The following TLK2 variants were observed in gnomAD, a reference collection of about 807,000 sequenced individuals.
TLK2 encodes tousled like kinase 2, also known as serine/threonine-protein kinase tousled-like 2.
TLK2 carries 6 observed loss-of-function variants against 117.3 expected under a neutral mutation model. The ratio of observed to expected loss-of-function variants is 0.05; its 90% CI spans 0.03 to 0.10. TLK2 has a LOEUF of 0.10. TLK2 is among the 10% of genes least tolerant of loss of function. The probability of loss-of-function intolerance (pLI) is 1.00; values close to 1 mark genes in which losing one functional copy is unlikely to be tolerated. For synonymous variants in TLK2, 257 were observed against 316.7 expected (o/e 0.81, Z 2.00); for missense variants, 299 against 901.2 (o/e 0.33, Z 8.56).
rs568811406 is a variant in TLK2 at position 62,592,250 on chromosome 17, C to T, written c.1461-4335C>T. Among the ~76,000 whole-genome samples the T allele has an allele frequency of 4.6e-5, 7 of 152,266 alleles. No individual in the cohort carries two copies. The East Asian group carries it at 5.8e-4, about 13-fold the overall frequency. Reference sequence around the variant, plus strand: ...CTGGGATTATAGGCACGAGCCACTGCGCCCGGCCAGAACTACATTCTTAAA... The same window carrying T: ...CTGGGATTATAGGCACGAGCCACTGTGCCCGGCCAGAACTACATTCTTAAA... On this transcript the variant is annotated intron_variant, in intron 16 of 21. Coordinates refer to ENST00000346027, the MANE Select transcript of TLK2 (RefSeq NM_006852.6).
At chr17:62,475,001 G>A (rs556744786), upstream of TLK2, among the ~76,000 whole-genome samples, 5 of 152,248 alleles carry the variant, frequency 3.3e-5, no homozygotes, top group African/African-American at 1.2e-4. Flanking sequence ...AGCAGAGATT[G>A]TGCCATTGCA....
At chr17:62,475,955 C>G (rs1177389760), upstream of TLK2, among the ~76,000 whole-genome samples, 2 of 151,810 alleles carry the variant, frequency 1.3e-5, no homozygotes, top group Non-Finnish European at 2.9e-5. Flanking sequence ...CCACCGCTCC[C>G]AGCCTTAAAT....
At chr17:62,610,543 G>A (rs1264856439) in intron 21 of TLK2, among the ~76,000 whole-genome samples, 1 of 152,148 alleles carries the variant, frequency 6.6e-6, no homozygotes, top group East Asian at 1.9e-4. Flanking sequence ...TTTTTTTGAT[G>A]GCATGGTTAG....
chr17:62,562,997 A>G (rs538177850), intron 10 of TLK2, among the ~76,000 whole-genome samples: 6 of 152,342 alleles, frequency 3.9e-5, no homozygotes, highest in African/African-American at 1.2e-4. Context: ...AAGTACTTGT[A>G]TGAGAATATT....
intron 16 of TLK2, among the ~76,000 whole-genome samples, chr17:62,595,279 C>T (rs2082387643): frequency 6.8e-6 from 1 of 146,416 alleles, no homozygotes; most frequent in Non-Finnish European, 1.5e-5. Context: ...CCGTGCCTGG[C>T]CCCCTTTTTT....
At chr17:62,579,663 T>A (rs771335845) in intron 14 of TLK2, among the ~76,000 whole-genome samples, 4 of 152,186 alleles carry the variant, frequency 2.6e-5, no homozygotes, top group Non-Finnish European at 5.9e-5. Context: ...ACATAGAACA[T>A]GTGACTCACT....
At chr17:62,612,131 G>C in intron 21 of TLK2, 1 of 327,072 alleles carries the variant, frequency 3.1e-6, no homozygotes, top group East Asian at 5.4e-5. Context: ...TAGAGGTCAT[G>C]CTTCCTTTTT....
At chr17:62,594,648 T>C (rs2147068796) in intron 16 of TLK2, among the ~76,000 whole-genome samples, 1 of 152,274 alleles carries the variant, frequency 6.6e-6, no homozygotes, top group South Asian at 2.1e-4. Flanking sequence ...TTATATACAT[T>C]TAAGAAAGTT....
intron 1 of TLK2, among the ~76,000 whole-genome samples, chr17:62,472,115 C>A (rs1263434973): frequency 2.0e-5 from 3 of 151,038 alleles, no homozygotes; most frequent in African/African-American, 7.3e-5. Flanking sequence ...ACCGTGTTAG[C>A]CAGGATGGTC....
chr17:62,472,853 T>C lies in TLK2; in HGVS notation c.-205+1775T>C, dbSNP rs187891899. On this transcript the variant is annotated intron_variant, in intron 1 of 4. Coordinates refer to the TLK2 transcript ENST00000579450. ...CTCCCCTGGTTATTATCAGGACCAA[T>C]TGATTTTGCCTGATCTGAGAGAAAA... 1.6e-3 allele frequency among the ~76,000 whole-genome samples: 238 copies of C among 152,054 alleles called. 1 individual carries two copies. The highest frequency in any genetic ancestry group is 3.5e-3 in the Middle Eastern group (1 of 288).
chr17:62,520,567 C>G (rs767333789), intron 2 of TLK2, among the ~76,000 whole-genome samples: 62 of 151,500 alleles, frequency 4.1e-4, no homozygotes, highest in Non-Finnish European at 6.0e-4. Flanking sequence ...ATCCCAGCTA[C>G]TCGAGAGGCT....
chr17:62,508,541 G>T, intron 2 of TLK2: 1 of 985,300 alleles, frequency 1.0e-6, no homozygotes, highest in Non-Finnish European at 1.2e-6. Flanking sequence ...GAGTACATCG[G>T]ATATAACAAA....
intron 7 of TLK2, among the ~76,000 whole-genome samples, chr17:62,544,147 G>A (rs1280720467): frequency 6.6e-6 from 1 of 152,080 alleles, no homozygotes; most frequent in Non-Finnish European, 1.5e-5. Context: ...TACAGCAAGA[G>A]GTTTATTTAT....
At chr17:62,512,354 C>T (rs1294743214) in intron 2 of TLK2, among the ~76,000 whole-genome samples, 1 of 151,180 alleles carries the variant, frequency 6.6e-6, no homozygotes, top group East Asian at 1.9e-4. Context: ...TCCCGAGTAG[C>T]TGGGATTACA....
At chr17:62,596,231 A>G (rs1243419218) in intron 16 of TLK2, among the ~76,000 whole-genome samples, 1 of 152,036 alleles carries the variant, frequency 6.6e-6, no homozygotes, top group Non-Finnish European at 1.5e-5. Flanking sequence ...GCGCACCACT[A>G]CGCCCAGCTA....
At chr17:62,572,536 G>T (rs1203697234) in intron 11 of TLK2, among the ~76,000 whole-genome samples, 1 of 152,148 alleles carries the variant, frequency 6.6e-6, no homozygotes, top group African/African-American at 2.4e-5. Flanking sequence ...ATTAACTGCA[G>T]TTGTAAAATA....
intron 3 of TLK2, 94 bp from the exon 4 acceptor site, chr17:62,522,110 G>A: frequency 7.6e-7 from 1 of 1,322,062 alleles, no homozygotes; most frequent in Non-Finnish European, 1.1e-6. Flanking sequence ...AGTTATATCT[G>A]TTTATATATT....
At chr17:62,556,385 G>C (rs934597413) in intron 9 of TLK2, among the ~76,000 whole-genome samples, 4 of 151,836 alleles carry the variant, frequency 2.6e-5, no homozygotes, top group African/African-American at 9.7e-5. Context: ...TATAGTTTTT[G>C]TTTTATCTGT....
At chr17:62,510,317 C>T (rs1201837515) in intron 2 of TLK2, among the ~76,000 whole-genome samples, 1 of 152,164 alleles carries the variant, frequency 6.6e-6, no homozygotes, top group Admixed American at 6.5e-5. Context: ...ACAGCACCTA[C>T]AGACTAAGTA....
Sources: allele counts gnomAD v4.1 joint callset (sites outside exome capture counted in the v4.1 genomes callset), GRCh38; gene constraint gnomAD v4.1.1; transcripts MANE v1.5; gene names NCBI Gene and HGNC (gene_info 2026-07-23, HGNC 2026-07-21).